The following ZNF827 variants were observed in gnomAD, a reference collection of about 807,000 sequenced individuals.
ZNF827 encodes the protein zinc finger protein 827.
ZNF827 carries 13 observed loss-of-function variants against 102.4 expected under a neutral mutation model. The ratio of observed to expected loss-of-function variants is 0.13; its 90% CI spans 0.08 to 0.20. The LOEUF is 0.20. Ranked by LOEUF, ZNF827 falls within the 10% of genes least tolerant of loss-of-function variation. The pLI is 1.00. For synonymous variants in ZNF827, 523 were observed against 536.2 expected, an observed-to-expected ratio of 0.98 and a Z score of 0.34; for missense variants, 1,103 against 1,344.4, an observed-to-expected ratio of 0.82 and a Z score of 2.81.
chr4:145,759,779 C>G lies in ZNF827; in HGVS notation c.*1837G>C, dbSNP rs1300758701. 1 of 151,860 alleles carries G rather than the reference C, an allele frequency of 6.6e-6. No individual in the cohort carries two copies. The highest frequency in any genetic ancestry group is 2.4e-5 in the African/African-American group (1 of 41,344). The allele number at this position is 151,860 out of a possible 1,614,324, so 9.4% of individuals were successfully genotyped here. On this transcript the variant is annotated 3_prime_UTR_variant, in exon 15 of 15. Coordinates refer to ENST00000508784, the MANE Select transcript of ZNF827 (RefSeq NM_001306215.2). The stretch of plus-strand genomic sequence containing the variant: ...CTTTTTTTTAGTCTGAGCATTTATA[C>G]CCAGAATTTATCCAAACCCCTTTTA...
chr4:145,846,064 C>G (rs1297000056), intron 6 of ZNF827, 51 bp from the exon 7 acceptor site: 2 of 1,582,600 alleles, frequency 1.3e-6, no homozygotes, highest in Admixed American at 3.3e-5. Context: ...TCTCACTCAA[C>G]TTGCATCTTT....
intron 1 of ZNF827, among the ~76,000 whole-genome samples, chr4:145,929,627 T>C (rs1415471377): frequency 6.6e-6 from 1 of 152,032 alleles, no homozygotes; most frequent in Non-Finnish European, 1.5e-5. Flanking sequence ...TTATTATTAC[T>C]CACCACACTA....
At chr4:145,776,869 T>C (rs1047972319) in intron 9 of ZNF827, among the ~76,000 whole-genome samples, 1 of 152,256 alleles carries the variant, frequency 6.6e-6, no homozygotes, top group Non-Finnish European at 1.5e-5. Context: ...AACCCTCTCA[T>C]AAAACTGACA....
At chr4:145,879,512 G>A (rs1345093875) in intron 4 of ZNF827, among the ~76,000 whole-genome samples, 3 of 152,158 alleles carry the variant, frequency 2.0e-5, no homozygotes, top group African/African-American at 7.2e-5. Flanking sequence ...AAATCACTCT[G>A]ATGGCAATTC....
chr4:145,895,628 T>TGG (rs1176772889), intron 2 of ZNF827, among the ~76,000 whole-genome samples: 10 of 152,230 alleles, frequency 6.6e-5, no homozygotes, highest in Non-Finnish European at 1.3e-4. Context: ...CCATGACTGA[T>TGG]TTTCACCTTT....
At chr4:145,878,203 C>T (rs1190494087) in intron 4 of ZNF827, among the ~76,000 whole-genome samples, 2 of 152,124 alleles carry the variant, frequency 1.3e-5, no homozygotes, top group Non-Finnish European at 2.9e-5. Context: ...GGCTACGATT[C>T]CCCCCTCCAA....
In ZNF827 at chr4:145,902,046, T is replaced by C. The variant is rs887727301; in HGVS notation, c.1093+120A>G. The C allele has an allele frequency of 9.1e-6, 12 of 1,324,664 alleles. No individual in the cohort carries two copies. Among genetic ancestry groups the C allele is most frequent in the South Asian group, 1.6e-5 (1 of 62,678 alleles). The allele number at this position is 1,324,664 out of a possible 1,614,324, so 82.1% of individuals were successfully genotyped here. On this transcript the variant is annotated intron_variant, in intron 2 of 14. Transcript: ENST00000508784. The surrounding 1 kb of genome is among the most constrained non-coding windows in gnomAD (Gnocchi z 4.3). Reference sequence around the variant, plus strand: ...TACTTAAAGTATTTTTGTTGTGCTCTTGCTTTTTTATTCCTGCCTCAGATC... The same window carrying C: ...TACTTAAAGTATTTTTGTTGTGCTCCTGCTTTTTTATTCCTGCCTCAGATC...
At chr4:145,779,559 C>A in intron 8 of ZNF827, 48 bp from the exon 9 acceptor site, 1 of 1,592,436 alleles carries the variant, frequency 6.3e-7, no homozygotes, top group Non-Finnish European at 8.6e-7. Context: ...AACAAGAATA[C>A]ATTTTCTGTT....
At position 145,885,835 on chromosome 4, in the gene ZNF827, G is replaced by T. The variant is rs374986289; in HGVS notation, c.1590C>A (p.Asn530Lys). 1 of 1,614,196 alleles carries T rather than the reference G, an allele frequency of 6.2e-7. No individual in the cohort carries two copies. Among genetic ancestry groups the T allele is most frequent in the Non-Finnish European group, 8.5e-7 (1 of 1,180,028 alleles). The change falls in exon 4 of 15, where the codon AAC becomes AAA. Residue 530 changes from asparagine to lysine, a missense_variant. Physicochemically the swap from Asn to Lys is moderately conservative, Grantham distance 94. Coordinates refer to ENST00000508784, the MANE Select transcript of ZNF827 (RefSeq NM_001306215.2). ...LLVKEEPKED[N>K]GLPTSFTLNA... is the part of the protein sequence containing the mutation. Reference sequence around the variant, plus strand: ...TCAAAGTAAAGGAGGTGGGCAGGCCGTTATCTTCCTTGGGTTCCTCCTTCA... The same window carrying T: ...TCAAAGTAAAGGAGGTGGGCAGGCCTTTATCTTCCTTGGGTTCCTCCTTCA...
At chr4:145,927,768 T>G (rs976026201) in intron 1 of ZNF827, among the ~76,000 whole-genome samples, 1 of 152,228 alleles carries the variant, frequency 6.6e-6, no homozygotes, top group Non-Finnish European at 1.5e-5. Context: ...TTTCTCTGGG[T>G]CTGTGTCCAC....
chr4:145,890,659 A>G (rs1750520203), intron 3 of ZNF827, among the ~76,000 whole-genome samples: 1 of 152,206 alleles, frequency 6.6e-6, no homozygotes, highest in East Asian at 1.9e-4. Context: ...ACTAAAACAA[A>G]TTTTCATTTT....
At chr4:145,919,348 T>C (rs912425468) in intron 1 of ZNF827, among the ~76,000 whole-genome samples, 2 of 152,208 alleles carry the variant, frequency 1.3e-5, no homozygotes, top group African/African-American at 4.8e-5. Context: ...CCGTACTTGT[T>C]CAGATTTGTG....
chr4:145,909,262 G>C (rs1026819653), intron 1 of ZNF827, among the ~76,000 whole-genome samples: 1 of 152,108 alleles, frequency 6.6e-6, no homozygotes, highest in African/African-American at 2.4e-5. Flanking sequence ...TCATAGTAGG[G>C]GTATCTGGGC....
At chr4:145,800,669 A>G (rs1307503185) in intron 8 of ZNF827, among the ~76,000 whole-genome samples, 1 of 152,146 alleles carries the variant, frequency 6.6e-6, no homozygotes, top group African/African-American at 2.4e-5. Flanking sequence ...CACTACTGAC[A>G]TTTTTGACTG....
intron 8 of ZNF827, among the ~76,000 whole-genome samples, chr4:145,807,609 T>C (rs778401756): frequency 2.6e-5 from 4 of 151,654 alleles, no homozygotes; most frequent in South Asian, 4.2e-4. Context: ...ATAGCTGGGA[T>C]TACAGGCGCC....
intron 1 of ZNF827, among the ~76,000 whole-genome samples, chr4:145,917,904 C>T (rs1752784415): frequency 6.6e-6 from 1 of 152,036 alleles, no homozygotes; most frequent in South Asian, 2.1e-4. Context: ...GTAGCTGCAA[C>T]ATTCCCACAT....
intron 2 of ZNF827, among the ~76,000 whole-genome samples, chr4:145,896,063 C>T (rs1750947624): frequency 6.6e-6 from 1 of 152,160 alleles, no homozygotes; most frequent in African/African-American, 2.4e-5. Flanking sequence ...ATATTCTCTT[C>T]ATAGGCAATA....
intron 5 of ZNF827, among the ~76,000 whole-genome samples, chr4:145,857,166 T>C (rs1200295546): frequency 6.6e-6 from 1 of 152,252 alleles, no homozygotes; most frequent in Non-Finnish European, 1.5e-5. Flanking sequence ...GAATTAGCTA[T>C]GCAAATTAGA....
chr4:145,820,157 C>T (rs1026793447), intron 8 of ZNF827: 1 of 152,730 alleles, frequency 6.5e-6, no homozygotes, highest in East Asian at 1.9e-4. Context: ...GCAGCTGTTA[C>T]ACCCTAAATG....
Sources: allele counts gnomAD v4.1 joint callset (sites outside exome capture counted in the v4.1 genomes callset), GRCh38; gene constraint gnomAD v4.1.1; non-coding constraint Gnocchi (gnomAD v3.1); transcripts MANE v1.5; gene names NCBI Gene and HGNC (gene_info 2026-07-23, HGNC 2026-07-21).